Variants in TAF4 observed in about 807,000 individuals in gnomAD.
TAF4 encodes the protein TATA-box binding protein associated factor 4.
In TAF4, 9 loss-of-function variants were observed where a neutral mutation model predicts 90.3. The ratio of observed to expected loss-of-function variants is 0.10; its 90% CI spans 0.06 to 0.17. The LOEUF (loss-of-function observed/expected upper bound fraction) is 0.17. TAF4 is among the 10% of genes least tolerant of loss of function. The pLI, the probability that TAF4 is intolerant of heterozygous loss-of-function variation, is 1.00. For synonymous variants in TAF4, 818 were observed against 638.9 expected, an observed-to-expected ratio of 1.28 and a Z score of -4.23; for missense variants, 1,351 against 1,370.7, an observed-to-expected ratio of 0.99 and a Z score of 0.23.
chr20:62,009,259 T>C, intron 4 of TAF4, 85 bp from the exon 5 acceptor site: 1 of 1,267,334 alleles, frequency 7.9e-7, no homozygotes. Flanking sequence ...TATGCATATG[T>C]ACAAAAGATA....
At chr20:62,041,612 G>A (rs769897483) in intron 1 of TAF4, among the ~76,000 whole-genome samples, 1 of 151,828 alleles carries the variant, frequency 6.6e-6, no homozygotes, top group Non-Finnish European at 1.5e-5. Flanking sequence ...CTGGGCAACA[G>A]AGCGAGAATC....
At chr20:62,036,271 C>T (rs1444305537) in intron 1 of TAF4, among the ~76,000 whole-genome samples, 1 of 152,204 alleles carries the variant, frequency 6.6e-6, no homozygotes, top group Non-Finnish European at 1.5e-5. Context: ...GTGATCCACC[C>T]GCCTCGGCCT....
At chr20:62,063,920 G>A (rs185439953) in intron 1 of TAF4, among the ~76,000 whole-genome samples, 1 of 152,346 alleles carries the variant, frequency 6.6e-6, no homozygotes, top group East Asian at 1.9e-4. Flanking sequence ...TCGCGCCCCC[G>A]TCCTCGCCTG....
At chr20:61,976,381 T>A in intron 14 of TAF4, 46 bp from the exon 15 acceptor site, 1 of 1,602,756 alleles carries the variant, frequency 6.2e-7, no homozygotes, top group Non-Finnish European at 8.5e-7. Context: ...GGGCTCAGAG[T>A]GGGGCTTGCA....
chr20:61,984,481 C>T (rs762658653), intron 14 of TAF4, among the ~76,000 whole-genome samples: 4 of 152,186 alleles, frequency 2.6e-5, no homozygotes, highest in Non-Finnish European at 5.9e-5. Flanking sequence ...GTGTCGACAG[C>T]CCAGATGTGC....
chr20:62,011,287 G>C (rs1280576984), intron 3 of TAF4, among the ~76,000 whole-genome samples: 6 of 152,128 alleles, frequency 3.9e-5, no homozygotes, highest in African/African-American at 1.4e-4. Context: ...CTGGACCCTG[G>C]GAGTACCCAG....
chr20:62,056,835 A>T (rs1254201929), intron 1 of TAF4, among the ~76,000 whole-genome samples: 1 of 152,196 alleles, frequency 6.6e-6, no homozygotes, highest in Non-Finnish European at 1.5e-5. Context: ...CAAAAAAATC[A>T]TGTTGAAGTA....
Position 62,008,810 on chromosome 20 carries a change from A to G in TAF4, c.1884+242T>C. ...CAGACAAGGGACGCAGGCACCAGAA[A>G]ACGGCAAAGCCCGGGAGACCTCCAG... On this transcript the variant is annotated intron_variant, in intron 5 of 14. Transcript: ENST00000252996. 7.5e-6 allele frequency: 3 copies of G among 398,702 alleles called. 1 individual carries two copies. The South Asian group carries it at 1.8e-4, about 24-fold the overall frequency. 24.7% of individuals were successfully genotyped at this position (398,702 alleles called of 1,614,324 possible). A position where few individuals can be genotyped will look rare whatever the true frequency, so the allele number is the denominator to read the frequency against.
chr20:61,997,409 C>G, intron 14 of TAF4, 141 bp downstream of exon 14: 2 of 1,119,698 alleles, frequency 1.8e-6, no homozygotes, highest in Non-Finnish European at 2.3e-6. Flanking sequence ...AAACGTAAAA[C>G]AAATACTCCA....
At chr20:62,061,215 T>C (rs1055795711) in intron 1 of TAF4, among the ~76,000 whole-genome samples, 3 of 152,236 alleles carry the variant, frequency 2.0e-5, no homozygotes, top group Non-Finnish European at 4.4e-5. Flanking sequence ...CCACCCAGCA[T>C]GGGCCTGGAC....
chr20:62,065,523 C>A lies in TAF4; in HGVS notation c.288G>T (p.Arg96=). The change falls in exon 1 of 15, where the codon CGG becomes CGT. Residue 96 remains arginine (R), a synonymous_variant. Coordinates refer to ENST00000252996, the MANE Select transcript of TAF4 (RefSeq NM_003185.4). Reference sequence around the variant, plus strand: ...GGCGCTGCGGCCCCCCGCCCCCCGGCCGCGCTCTACCTGCGGGGGGCGGCT... The same window carrying A: ...GGCGCTGCGGCCCCCCGCCCCCCGGACGCGCTCTACCTGCGGGGGGCGGCT... ...APEPPPAGRA[R]PGGGGPQRPG... 1.0e-6 allele frequency: 1 copy of A among 976,578 alleles called. No individual in the cohort carries two copies. The highest frequency in any genetic ancestry group is 1.2e-6 in the Non-Finnish European group (1 of 825,744). 60.5% of individuals were successfully genotyped at this position (976,578 alleles called of 1,614,324 possible).
At position 62,012,841 on chromosome 20, in the gene TAF4, T is replaced by G; in HGVS notation, c.1615A>C (p.Thr539Pro). Residue 539 changes from threonine (T) to proline (P), a missense_variant, in exon 3 of 15, where the codon ACC (threonine) becomes CCC (proline). Physicochemically the swap from Thr to Pro is conservative, Grantham distance 38. Around this residue, in one of 9 missense-constraint regions of TAF4, gnomAD observed 143 missense variants for 176.3 expected, o/e 0.81. Coordinates refer to ENST00000252996, the MANE Select transcript of TAF4 (RefSeq NM_003185.4). ...TGGACGCCGGGCGAGCGCTGCAGGG[T>G]TGCACTGGGCTGCACCGTTGTCTGG... is the stretch of plus-strand genomic sequence containing the variant. ...QAQTTVQPSA[T>P]LQRSPGVQPQ... 1 of 1,613,776 alleles carries G rather than the reference T, an allele frequency of 6.2e-7. No homozygotes were observed. The highest frequency in any genetic ancestry group is 1.1e-5 in the South Asian group (1 of 91,050).
chr20:62,018,706 G>T (rs1356830100), intron 1 of TAF4, among the ~76,000 whole-genome samples: 1 of 152,214 alleles, frequency 6.6e-6, no homozygotes, highest in Non-Finnish European at 1.5e-5. Context: ...AGGATGACAG[G>T]GAGCAGGGCT....
At chr20:62,055,411 T>A (rs897591066) in intron 1 of TAF4, among the ~76,000 whole-genome samples, 11 of 151,774 alleles carry the variant, frequency 7.2e-5, no homozygotes, top group African/African-American at 2.7e-4. Flanking sequence ...TGCAGTCCTG[T>A]GATATAATCA....
chr20:61,982,409 C>T (rs2055553848), intron 14 of TAF4, among the ~76,000 whole-genome samples: 3 of 147,464 alleles, frequency 2.0e-5, no homozygotes, highest in African/African-American at 7.6e-5. Context: ...CAACCTACAC[C>T]CACCCAAGAG....
In TAF4 at chr20:62,006,877, T is replaced by C. The variant is rs1266536898; in HGVS notation, c.1975-119A>G. On this transcript the variant is annotated intron_variant, in intron 6 of 14. Coordinates refer to ENST00000252996, the MANE Select transcript of TAF4 (RefSeq NM_003185.4). The surrounding 1 kb of genome is among the most constrained non-coding windows in gnomAD (Gnocchi z 7.0). ...CTTTTGAGCTAAGTAAGATGGATCT[T>C]GGCCCTCACGGCAGCATGTCTGGAT... 1 of 1,319,096 alleles carries C rather than the reference T, an allele frequency of 7.6e-7. No individual in the cohort carries two copies. Among genetic ancestry groups the C allele is most frequent in the East Asian group, 2.9e-5 (1 of 34,612 alleles). The allele number at this position is 1,319,096 out of a possible 1,614,324, so 81.7% of individuals were successfully genotyped here. A position where few individuals can be genotyped will look rare whatever the true frequency, so the allele number is the denominator to read the frequency against.
chr20:61,976,095 C>T lies in TAF4; in HGVS notation c.*73G>A, dbSNP rs1425009603. On this transcript the variant is annotated 3_prime_UTR_variant, in exon 15 of 15. Transcript: ENST00000252996. The stretch of plus-strand genomic sequence containing the variant: ...TGTAAAGAGGTGGCTGTTTTTTAAA[C>T]AATATCCCATTTGCTCGTTACAAAA... 6.5e-7 allele frequency: 1 copy of T among 1,532,490 alleles called. No individual in the cohort carries two copies. Among genetic ancestry groups the T allele is most frequent in the Non-Finnish European group, 9.0e-7 (1 of 1,112,348 alleles). The allele number at this position is 1,532,490 out of a possible 1,614,324, so 94.9% of individuals were successfully genotyped here.
intron 1 of TAF4, among the ~76,000 whole-genome samples, chr20:62,061,307 C>T (rs1438712681): frequency 1.3e-5 from 2 of 152,196 alleles, no homozygotes; most frequent in African/African-American, 4.8e-5. Flanking sequence ...GGAACCAATG[C>T]TCCAGACAGC....
intron 14 of TAF4, among the ~76,000 whole-genome samples, chr20:61,996,253 G>A (rs568933910): frequency 1.4e-4 from 21 of 152,066 alleles, no homozygotes; most frequent in African/African-American, 4.6e-4. Context: ...ATGGTGGCAC[G>A]CACCTGTAGT....
Sources: allele counts gnomAD v4.1 joint callset (sites outside exome capture counted in the v4.1 genomes callset), GRCh38; gene constraint gnomAD v4.1.1; regional missense constraint gnomAD v4.1.1; non-coding constraint Gnocchi (gnomAD v3.1); transcripts MANE v1.5; gene names NCBI Gene and HGNC (gene_info 2026-07-23, HGNC 2026-07-21).